The following INSL6 variants were observed in gnomAD, a reference collection of about 807,000 sequenced individuals.
The protein encoded by INSL6 is insulin like 6, also known as insulin-like peptide INSL6.
Under a neutral mutation model 9.4 loss-of-function variants are expected in INSL6, and 16 were observed. The observed-to-expected ratio is 1.70, with a 90% CI of 1.15 to 2.59. INSL6 has a LOEUF of 2.59. Among genes scored for constraint, INSL6 ranks in the 30% most tolerant of loss-of-function variants. The probability of loss-of-function intolerance (pLI) is 0.00; values close to 1 mark genes in which losing one functional copy is unlikely to be tolerated. For missense variants in INSL6, 391 were observed against 257.3 expected, an observed-to-expected ratio of 1.52 and a Z score of -3.56; for synonymous variants, 154 against 96.9, an observed-to-expected ratio of 1.59 and a Z score of -3.46.
chr9:4,998,458 T>C, the INSL6 span, among the ~76,000 whole-genome samples: 2 of 152,110 alleles, frequency 1.3e-5, no homozygotes, highest in African/African-American at 4.8e-5. Context: ...GGTTTCACCA[T>C]GTTGGTCAGG....
Position 5,157,414 on chromosome 9 carries a change from GA to G in INSL6, c.376+6764del, listed in dbSNP as rs1039810533. 6.6e-5 allele frequency among the ~76,000 whole-genome samples: 10 copies of G among 151,784 alleles called. No homozygotes were observed. The East Asian group carries it at 9.6e-4, about 15-fold the overall frequency. Reference sequence around the variant, plus strand: ...ATAATGATTAATGGAAAGATTAATGGAAAAAAAGAGACTGTCAGAAATAAAC... The same window carrying G: ...ATAATGATTAATGGAAAGATTAATGGAAAAAAGAGACTGTCAGAAATAAAC... On this transcript the variant is annotated intron_variant, in intron 2 of 3. Transcript: ENST00000649639.
the INSL6 span, chr9:5,055,696 A>C: frequency 2.0e-5 from 32 of 1,583,112 alleles, no homozygotes; most frequent in Non-Finnish European, 2.7e-5. Context: ...CGATTTTCCT[A>C]ATATTATTGA....
At chr9:5,074,653 TGA>T in the INSL6 span, among the ~76,000 whole-genome samples, 3 of 152,202 alleles carry the variant, frequency 2.0e-5, no homozygotes, top group Non-Finnish European at 4.4e-5. Flanking sequence ...CCCTATTCCC[TGA>T]GACAACAATA....
chr9:5,132,085 T>G (rs1452674503), intron 3 of INSL6: 1 of 152,200 alleles, frequency 6.6e-6, no homozygotes, highest in Non-Finnish European at 1.5e-5. Flanking sequence ...ACAAAGAAAC[T>G]TGAAACTGAG....
chr9:5,180,810 G>C (rs1316400203), intron 1 of INSL6, among the ~76,000 whole-genome samples: 1 of 152,108 alleles, frequency 6.6e-6, no homozygotes, highest in African/African-American at 2.4e-5. Context: ...CTTATCAGTA[G>C]TTCTGCTTTT....
At chr9:5,028,363 A>C in the INSL6 span, among the ~76,000 whole-genome samples, 1 of 152,204 alleles carries the variant, frequency 6.6e-6, no homozygotes, top group Non-Finnish European at 1.5e-5. Flanking sequence ...CACGCTATAT[A>C]CAGATGTGCT....
chr9:5,121,291 T>C (rs531907446), downstream of INSL6, among the ~76,000 whole-genome samples: 4 of 152,276 alleles, frequency 2.6e-5, no homozygotes, highest in African/African-American at 7.2e-5. Context: ...CCCTTTTATA[T>C]AGCCAACCTG....
chr9:5,162,033 C>T (rs930234512), downstream of INSL6, among the ~76,000 whole-genome samples: 1 of 151,582 alleles, frequency 6.6e-6, no homozygotes, highest in Non-Finnish European at 1.5e-5. Flanking sequence ...GAGCTGTGAT[C>T]ACACTACTGC....
chr9:5,164,330 T>G (rs1824997996), intron 1 of INSL6, 65 bp from the exon 2 acceptor site: 1 of 1,005,266 alleles, frequency 9.9e-7, no homozygotes, highest in Non-Finnish European at 1.5e-6. Context: ...AAATTTAATA[T>G]TGGAACAGTA....
chr9:5,136,030 T>C (rs563181898), intron 2 of INSL6, among the ~76,000 whole-genome samples: 7 of 151,944 alleles, frequency 4.6e-5, no homozygotes, highest in South Asian at 4.2e-4. Context: ...CTAGAAGAAA[T>C]AGATAAATTC....
chr9:5,044,304 G>A, the INSL6 span: 2 of 752,466 alleles, frequency 2.7e-6, no homozygotes, highest in Non-Finnish European at 2.3e-6. Flanking sequence ...TCTAAGTATG[G>A]GATAATACCT....
the INSL6 span, among the ~76,000 whole-genome samples, chr9:5,115,101 A>C: frequency 6.6e-6 from 1 of 152,224 alleles, no homozygotes; most frequent in Non-Finnish European, 1.5e-5. Flanking sequence ...CTGCATAGCA[A>C]AAGAAACTGA....
the INSL6 span, chr9:5,110,399 T>TA: frequency 1.3e-5 from 2 of 152,300 alleles, no homozygotes; most frequent in African/African-American, 2.4e-5. Context: ...AGCTGGGCCT[T>TA]ACGATAGTCA....
chr9:5,074,192 T>C, the INSL6 span, among the ~76,000 whole-genome samples: 1 of 152,140 alleles, frequency 6.6e-6, no homozygotes, highest in African/African-American at 2.4e-5. Flanking sequence ...ATGATTATGT[T>C]GATATGATAC....
At chr9:5,180,580 A>C (rs1052824445) in intron 1 of INSL6, among the ~76,000 whole-genome samples, 2 of 152,154 alleles carry the variant, frequency 1.3e-5, no homozygotes, top group East Asian at 3.9e-4. Flanking sequence ...TGTCGTTGAC[A>C]TAAGGACTGA....
the INSL6 span, chr9:5,055,562 C>T: frequency 1.1e-6 from 1 of 871,324 alleles, no homozygotes. Context: ...TTATCAATAC[C>T]TTTTTTATTT....
At chr9:5,078,276 T>G in the INSL6 span, 1 of 1,593,658 alleles carries the variant, frequency 6.3e-7, no homozygotes, top group Non-Finnish European at 8.6e-7. Context: ...TGGACTGATA[T>G]TTGAATATAT....
chr9:5,088,069 A>G, the INSL6 span, among the ~76,000 whole-genome samples: 2 of 152,220 alleles, frequency 1.3e-5, no homozygotes, highest in African/African-American at 2.4e-5. Context: ...GTGTTTTGGA[A>G]TAATTTCTCA....
the INSL6 span, chr9:5,041,217 TG>T: frequency 2.0e-6 from 3 of 1,467,602 alleles, no homozygotes; most frequent in Non-Finnish European, 1.9e-6. Flanking sequence ...AACTTCCTGG[TG>T]GGGCGCCCGG....
Sources: gnomAD v4.1 joint callset for allele counts (sites outside exome capture counted in the v4.1 genomes callset) on GRCh38, gnomAD v4.1.1 for gene constraint, MANE v1.5 for transcripts, NCBI Gene and HGNC (gene_info 2026-07-23, HGNC 2026-07-21) for gene names.